Variants in NAAA observed in about 807,000 individuals in gnomAD.
The protein encoded by NAAA is N-acylethanolamine acid amidase.
In NAAA, 39 loss-of-function variants were observed where a neutral mutation model predicts 44.8. That is an observed-to-expected ratio of 0.87 (90% CI 0.67 to 1.14). NAAA has a LOEUF of 1.14. Among genes scored for constraint, NAAA ranks in the 50% most tolerant of loss-of-function variants. NAAA has a pLI of 0.00. For missense variants in NAAA, 460 were observed against 467.8 expected, an observed-to-expected ratio of 0.98 and a Z score of 0.15; for synonymous variants, 178 against 191.3, an observed-to-expected ratio of 0.93 and a Z score of 0.58.
At chr4:75,930,372 A>G in intron 4 of NAAA, 1 of 463,114 alleles carries the variant, frequency 2.2e-6, no homozygotes, top group South Asian at 1.7e-5. Context: ...CAATCTGAGA[A>G]CTTCCTCTCC....
chr4:75,926,313 C>G (rs892971827), intron 4 of NAAA, among the ~76,000 whole-genome samples: 2 of 152,118 alleles, frequency 1.3e-5, no homozygotes, highest in Non-Finnish European at 2.9e-5. Flanking sequence ...GTAATCCCAG[C>G]ACTTTGGGAG....
chr4:75,940,813 A>G lies in NAAA; in HGVS notation c.137T>C (p.Leu46Pro). 2 of 1,598,482 alleles carry G rather than the reference A, an allele frequency of 1.3e-6. No homozygotes were observed. Residue 46 changes from leucine to proline, a missense_variant, in exon 1 of 11, where the codon CTG becomes CCG. By Grantham distance (98) the Leu-to-Pro change is moderately conservative. Coordinates refer to ENST00000286733, the MANE Select transcript of NAAA (RefSeq NM_014435.4). ...FNVSLDSVPE[L>P]RWLPVLRHYD... ...GTGCCGCAGCACGGGCAGCCAGCGC[A>G]GCTCGGGGACCGAGTCCAGGCTCAC...
At position 75,940,057 on chromosome 4, in the gene NAAA, G is replaced by A. The variant is rs766782168; in HGVS notation, c.315C>T (p.Phe105=). ...FTGEIRGMCD[F]MNLSLADCLL... Reference sequence around the variant, plus strand: ...GGCAGTCCGCCAGGCTGAGGTTCATGAAGTCACACATGCCGCGGATCTCGC... The same window carrying A: ...GGCAGTCCGCCAGGCTGAGGTTCATAAAGTCACACATGCCGCGGATCTCGC... The change falls in exon 2 of 11, where the codon TTC becomes TTT. Residue 105 remains phenylalanine (F), a synonymous_variant. Coordinates refer to ENST00000286733, the MANE Select transcript of NAAA (RefSeq NM_014435.4). 1.2e-6 allele frequency: 2 copies of A among 1,614,156 alleles called. No homozygotes were observed. Among genetic ancestry groups the A allele is most frequent in the Non-Finnish European group, 8.5e-7 (1 of 1,180,042 alleles).
intron 5 of NAAA, among the ~76,000 whole-genome samples, chr4:75,923,871 T>C (rs1262513129): frequency 6.6e-6 from 1 of 152,102 alleles, no homozygotes; most frequent in Non-Finnish European, 1.5e-5. Flanking sequence ...ATGTGTACAG[T>C]AAAGAAGCAG....
intron 4 of NAAA, among the ~76,000 whole-genome samples, chr4:75,928,276 G>A (rs557655435): frequency 2.3e-4 from 35 of 152,282 alleles, no homozygotes; most frequent in African/African-American, 8.2e-4. Context: ...CATTCTAGTT[G>A]CTGGGTAGGG....
intron 3 of NAAA, 112 bp downstream of exon 3, chr4:75,935,997 T>C (rs200169565): frequency 0.22 from 290,870 of 1,324,168 alleles, 34,196 homozygotes; most frequent in East Asian, 0.34. Context: ...GGGGTGTGAT[T>C]TTTTTGTGTC....
downstream of NAAA, among the ~76,000 whole-genome samples, chr4:75,910,815 A>G (rs543541319): frequency 3.3e-5 from 5 of 152,342 alleles, no homozygotes; most frequent in South Asian, 1.0e-3. Flanking sequence ...ACTGTCACAC[A>G]CATCTGTGTG....
At position 75,934,400 on chromosome 4, in the gene NAAA, C is replaced by T. The variant is rs1727520225; in HGVS notation, c.498+1709G>A. ...GTGCGATCTCAGCTCACTGCAACCT[C>T]CGCCTCCCAGGTTCAAGCGATTCCC... On this transcript the variant is annotated intron_variant, in intron 3 of 10. Coordinates refer to ENST00000286733, the MANE Select transcript of NAAA (RefSeq NM_014435.4). Among the ~76,000 whole-genome samples, 3 of 151,864 alleles carry T rather than the reference C, an allele frequency of 2.0e-5. No individual in the cohort carries two copies. In the South Asian group the frequency reaches 6.2e-4, roughly 32 times the overall value.
In NAAA at chr4:75,940,111, C is replaced by G. The variant is rs773109819; in HGVS notation, c.261G>C (p.Leu87=). The G allele has an allele frequency of 2.5e-6, 4 of 1,614,020 alleles. No individual in the cohort carries two copies. The African/African-American group carries it at 4.0e-5, about 16-fold the overall frequency. ...HVLIGKVVLE[L]ERFLPQPFTG... The stretch of plus-strand genomic sequence containing the variant: ...TGAAGGGCTGGGGCAGGAAGCGCTC[C>G]AGCTCCAGGACCACTTTTCCGATTA... Residue 87 remains leucine, a synonymous_variant, in exon 2 of 11, where the codon CTG becomes CTC. Coordinates refer to ENST00000286733, the MANE Select transcript of NAAA (RefSeq NM_014435.4).
At chr4:75,940,710 G>A (rs1728194735) in intron 1 of NAAA, 34 bp downstream of exon 1, 1 of 1,576,676 alleles carries the variant, frequency 6.3e-7, no homozygotes, top group African/African-American at 1.4e-5. Flanking sequence ...CAGGGCCGGT[G>A]TCCCCGCAGA....
At chr4:75,911,247 T>C (rs1725311284), downstream of NAAA, 2 of 492,396 alleles carry the variant, frequency 4.1e-6, no homozygotes, top group Non-Finnish European at 8.0e-6. Context: ...TTGTGGATCT[T>C]CAGTTGCTTC....
intron 4 of NAAA, among the ~76,000 whole-genome samples, chr4:75,926,333 G>A (rs1031012984): frequency 6.6e-6 from 1 of 152,084 alleles, no homozygotes; most frequent in African/African-American, 2.4e-5. Context: ...GGCCGAGGTG[G>A]GCGGATCCCC....
chr4:75,929,050 C>T (rs1279379943), intron 4 of NAAA, among the ~76,000 whole-genome samples: 1 of 152,040 alleles, frequency 6.6e-6, no homozygotes, highest in Admixed American at 6.6e-5. Context: ...CCTCGGCCTC[C>T]CAAAGTGCTG....
At position 75,914,358 on chromosome 4, in the gene NAAA, C is replaced by T. The variant is rs1513889; in HGVS notation, c.*37-20G>A. On this transcript the variant is annotated intron_variant, in intron 10 of 10. Transcript: ENST00000286733. Reference sequence around the variant, plus strand: ...AATCATCTGTAAGGGAAGAAAAAAACGCATTTAATTCAAAGACTGATTTTT... The same window carrying T: ...AATCATCTGTAAGGGAAGAAAAAAATGCATTTAATTCAAAGACTGATTTTT... The T allele has an allele frequency of 0.062, 57,427 of 932,610 alleles. 2,531 individuals are homozygous for T. The highest frequency in any genetic ancestry group is 0.22 in the African/African-American group (12,194 of 55,864). The allele number at this position is 932,610 out of a possible 1,614,324, so 57.8% of individuals were successfully genotyped here. A position where few individuals can be genotyped will look rare whatever the true frequency, so the allele number is the denominator to read the frequency against.
downstream of NAAA, chr4:75,911,430 G>A: frequency 2.1e-6 from 1 of 469,948 alleles, no homozygotes; most frequent in Admixed American, 2.3e-5. Flanking sequence ...CCTAGCAGGA[G>A]CATGGATGTT....
intron 1 of NAAA, chr4:75,940,409 C>T (rs1009165118): frequency 5.1e-6 from 3 of 587,216 alleles, no homozygotes; most frequent in Non-Finnish European, 8.9e-6. Context: ...AGGCTGGTCC[C>T]AAAGGGGCAA....
chr4:75,925,843 G>C, intron 4 of NAAA, 32 bp from the exon 5 acceptor site: 2 of 1,571,928 alleles, frequency 1.3e-6, no homozygotes, highest in Non-Finnish European at 1.8e-6. Flanking sequence ...TTATATATGT[G>C]TGTGTATATA....
At chr4:75,921,936 A>T (rs1176255769) in intron 5 of NAAA, among the ~76,000 whole-genome samples, 2 of 152,188 alleles carry the variant, frequency 1.3e-5, no homozygotes, top group African/African-American at 2.4e-5. Context: ...AAATCTTCAG[A>T]TTCCATATGG....
intron 4 of NAAA, among the ~76,000 whole-genome samples, chr4:75,930,783 C>CACT (rs1041767057): frequency 1.3e-5 from 2 of 152,164 alleles, no homozygotes; most frequent in African/African-American, 4.8e-5. Context: ...CTTCTAATGT[C>CACT]ACTACCCACT....
Sources: gnomAD v4.1 joint callset for allele counts (sites outside exome capture counted in the v4.1 genomes callset) on GRCh38, gnomAD v4.1.1 for gene constraint, MANE v1.5 for transcripts, NCBI Gene and HGNC (gene_info 2026-07-23, HGNC 2026-07-21) for gene names.